NOVA1: variants seen among roughly 807,000 people sequenced by gnomAD.
The protein encoded by NOVA1 is NOVA alternative splicing regulator 1.
A neutral mutation model predicts 38.0 loss-of-function variants in NOVA1; 7 were observed. The ratio of observed to expected loss-of-function variants is 0.18; its 90% CI spans 0.10 to 0.35. NOVA1 has a LOEUF of 0.35. Ranked by LOEUF, NOVA1 falls within the 10% of genes least tolerant of loss-of-function variation. The pLI is 1.00. For synonymous variants in NOVA1, 270 were observed against 232.5 expected (o/e 1.16, Z -1.47); for missense variants, 460 against 616.0 (o/e 0.75, Z 2.68).
At chr14:26,587,308 T>TA (rs34853058) in intron 2 of NOVA1, among the ~76,000 whole-genome samples, 6,073 of 123,486 alleles carry the variant, frequency 0.049, 168 homozygotes, top group South Asian at 0.1. Context: ...CTAAAATATA[T>TA]AAAAAAAAAA....
chr14:26,481,889 G>C (rs1885480983), intron 2 of NOVA1, among the ~76,000 whole-genome samples: 1 of 149,092 alleles, frequency 6.7e-6, no homozygotes, highest in South Asian at 2.1e-4. Flanking sequence ...ATCCAGGTCA[G>C]CAGACAATAT....
At chr14:26,548,081 A>C (rs1383803956) in intron 2 of NOVA1, among the ~76,000 whole-genome samples, 1 of 152,066 alleles carries the variant, frequency 6.6e-6, no homozygotes, top group African/African-American at 2.4e-5. Flanking sequence ...TACACTACAA[A>C]ATTAGATAGA....
At chr14:26,492,284 T>C (rs1886406589) in intron 2 of NOVA1, among the ~76,000 whole-genome samples, 2 of 152,208 alleles carry the variant, frequency 1.3e-5, no homozygotes, top group Admixed American at 6.5e-5. Context: ...GTTTTGTATA[T>C]ACAGGAAGAT....
intron 4 of NOVA1, among the ~76,000 whole-genome samples, chr14:26,464,733 A>G (rs185091412): frequency 1.2e-4 from 18 of 152,296 alleles, no homozygotes; most frequent in Non-Finnish European, 7.4e-5. Flanking sequence ...AAAAATGGGA[A>G]TATGATGAAA....
At chr14:26,475,308 T>C (rs1303278488) in intron 3 of NOVA1, among the ~76,000 whole-genome samples, 3 of 152,180 alleles carry the variant, frequency 2.0e-5, no homozygotes. Context: ...CTCAGATTAC[T>C]GGCAAGAGCC....
At chr14:26,467,187 A>C (rs1465870312) in intron 4 of NOVA1, among the ~76,000 whole-genome samples, 1 of 152,224 alleles carries the variant, frequency 6.6e-6, no homozygotes, top group Admixed American at 6.5e-5. Context: ...GATTCTGAGA[A>C]GAAGCAAAAT....
chr14:26,595,599 C>CTT, intron 1 of NOVA1, 46 bp from the exon 2 acceptor site: 1 of 1,563,960 alleles, frequency 6.4e-7, no homozygotes, highest in South Asian at 1.2e-5. Flanking sequence ...GTATTTCAAA[C>CTT]TTTGTATCCC....
chr14:26,586,699 C>T lies in NOVA1; in HGVS notation c.280+8711G>A, dbSNP rs555024365. 3.3e-5 allele frequency among the ~76,000 whole-genome samples: 5 copies of T among 151,002 alleles called. No individual in the cohort carries two copies. In the South Asian group the frequency reaches 1.0e-3, roughly 31 times the overall value. ...TAACAATGCTGCAGAAATCTAATCACCATAAAAACACTGCCACTTTCAAAC... is the reference window on the plus strand; with the variant it reads ...TAACAATGCTGCAGAAATCTAATCATCATAAAAACACTGCCACTTTCAAAC... On this transcript the variant is annotated intron_variant, in intron 2 of 4. Transcript: ENST00000539517.
chr14:26,571,702 G>C (rs1892484311), intron 2 of NOVA1, among the ~76,000 whole-genome samples: 1 of 152,174 alleles, frequency 6.6e-6, no homozygotes, highest in Non-Finnish European at 1.5e-5. Context: ...CAGATGTAAA[G>C]CATGCAACCT....
chr14:26,517,530 T>C (rs924187174), intron 2 of NOVA1, among the ~76,000 whole-genome samples: 1 of 152,182 alleles, frequency 6.6e-6, no homozygotes, highest in Non-Finnish European at 1.5e-5. Flanking sequence ...CATTAAATAT[T>C]TGTTGAAATA....
chr14:26,457,545 G>A (rs1883283185), intron 4 of NOVA1, among the ~76,000 whole-genome samples: 1 of 151,966 alleles, frequency 6.6e-6, no homozygotes, highest in South Asian at 2.1e-4. Flanking sequence ...TGGTGATGCT[G>A]GTGTAAACAA....
Position 26,497,806 on chromosome 14 carries a change from T to A in NOVA1, c.281-17663A>T, listed in dbSNP as rs1886930720. On this transcript the variant is annotated intron_variant, in intron 2 of 4. Coordinates refer to ENST00000539517, the MANE Select transcript of NOVA1 (RefSeq NM_002515.3). ...AAACTTAGTCACCGTAATAAAAAAATATTAAATCTGACCACAAACTGAGGC... is the reference window on the plus strand; with the variant it reads ...AAACTTAGTCACCGTAATAAAAAAAAATTAAATCTGACCACAAACTGAGGC... Among the ~76,000 whole-genome samples the A allele has an allele frequency of 2.0e-5, 3 of 152,120 alleles. No individual in the cohort carries two copies. In the South Asian group the frequency reaches 6.2e-4, roughly 31 times the overall value.
chr14:26,443,773 G>T lies in NOVA1; in HGVS notation c.*4186C>A, dbSNP rs1381723044. On this transcript the variant is annotated 3_prime_UTR_variant, in exon 5 of 5. Coordinates refer to ENST00000539517, the MANE Select transcript of NOVA1 (RefSeq NM_002515.3). ...TTCTAATCATGTGCAATTTTGTATG[G>T]CTGTTTGCCTCAGTTAAGTAACGTG... 6.6e-6 allele frequency: 1 copy of T among 151,824 alleles called. No individual in the cohort carries two copies. The highest frequency in any genetic ancestry group is 1.5e-5 in the Non-Finnish European group (1 of 67,830). The allele number at this position is 151,824 out of a possible 1,614,324, so 9.4% of individuals were successfully genotyped here.
chr14:26,546,340 G>A (rs1890786630), intron 2 of NOVA1, among the ~76,000 whole-genome samples: 1 of 151,874 alleles, frequency 6.6e-6, no homozygotes, highest in African/African-American at 2.4e-5. Flanking sequence ...AACATCTGAA[G>A]GTGTTTCGTC....
chr14:26,587,440 T>C (rs1893593830), intron 2 of NOVA1, among the ~76,000 whole-genome samples: 2 of 150,954 alleles, frequency 1.3e-5, no homozygotes, highest in East Asian at 1.9e-4. Flanking sequence ...GATTACCAAA[T>C]AGCTGCCTAC....
At chr14:26,485,195 A>G (rs1233369692) in intron 2 of NOVA1, among the ~76,000 whole-genome samples, 3 of 152,052 alleles carry the variant, frequency 2.0e-5, no homozygotes, top group Admixed American at 6.6e-5. Context: ...ATACTCAACA[A>G]GTATTTTTTT....
At chr14:26,505,846 G>T (rs970512923) in intron 2 of NOVA1, among the ~76,000 whole-genome samples, 2 of 152,048 alleles carry the variant, frequency 1.3e-5, no homozygotes, top group East Asian at 3.8e-4. Flanking sequence ...AAAACATAGT[G>T]TTTGAAATAT....
In NOVA1 at chr14:26,444,869, AAC is replaced by A. The variant is rs1491100787; in HGVS notation, c.*3088_*3089del. The A allele has an allele frequency of 6.6e-6, 1 of 151,146 alleles. No individual in the cohort carries two copies. The highest frequency in any genetic ancestry group is 1.5e-5 in the Non-Finnish European group (1 of 68,096). 9.4% of individuals were successfully genotyped at this position (151,146 alleles called of 1,614,324 possible). A position where few individuals can be genotyped will look rare whatever the true frequency, so the allele number is the denominator to read the frequency against. On this transcript the variant is annotated 3_prime_UTR_variant, in exon 5 of 5. Transcript: ENST00000539517. ...CAAACAAACAAACAAACAAAAAAAAAACAAAAAAACTGCAATGCAACTTCAAG... is the reference window on the plus strand; with the variant it reads ...CAAACAAACAAACAAACAAAAAAAAAAAAAAAACTGCAATGCAACTTCAAG...
At chr14:26,594,034 GA>G (rs1433615087) in intron 2 of NOVA1, 4 of 151,676 alleles carry the variant, frequency 2.6e-5, no homozygotes, top group Admixed American at 1.3e-4. Context: ...ATTCCACATT[GA>G]TTTTTTTTAT....
Sources: gnomAD v4.1 joint callset for allele counts (sites outside exome capture counted in the v4.1 genomes callset) on GRCh38, gnomAD v4.1.1 for gene constraint, MANE v1.5 for transcripts, NCBI Gene and HGNC (gene_info 2026-07-23, HGNC 2026-07-21) for gene names.